Variants in GAN observed in about 807,000 individuals in gnomAD.
The protein encoded by GAN is gigaxonin.
Under a neutral mutation model 71.3 loss-of-function variants are expected in GAN, and 48 were observed. The ratio of observed to expected loss-of-function variants is 0.67; its 90% CI spans 0.53 to 0.86. The LOEUF (loss-of-function observed/expected upper bound fraction) is 0.86, where lower values mean the gene tolerates loss of function less well. GAN is among the 40% of genes least tolerant of loss of function. The probability of loss-of-function intolerance (pLI) is 0.00; values close to 1 mark genes in which losing one functional copy is unlikely to be tolerated. For missense variants in GAN, 928 were observed against 770.1 expected, an observed-to-expected ratio of 1.21 and a Z score of -2.43; for synonymous variants, 386 against 276.8, an observed-to-expected ratio of 1.39 and a Z score of -3.92.
At position 81,363,650 on chromosome 16, in the gene GAN, C is replaced by G. The variant is rs1910751517; in HGVS notation, c.1087-144C>G. On this transcript the variant is annotated intron_variant, in intron 6 of 10. Transcript: ENST00000648994. ...ATAGTTAGTGTTTCAGCCCTTGCTCCTCTCCCTGTCTCCTTGCTCTAGGAG... is the reference window on the plus strand; with the variant it reads ...ATAGTTAGTGTTTCAGCCCTTGCTCGTCTCCCTGTCTCCTTGCTCTAGGAG... 5 of 787,776 alleles carry G rather than the reference C, an allele frequency of 6.3e-6. No homozygotes were observed. The Admixed American group carries it at 1.0e-4, about 16-fold the overall frequency. 48.8% of individuals were successfully genotyped at this position (787,776 alleles called of 1,614,324 possible). A position where few individuals can be genotyped will look rare whatever the true frequency, so the allele number is the denominator to read the frequency against.
intron 5 of GAN, 81 bp from the exon 6 acceptor site, chr16:81,362,418 A>T (rs1050651864): frequency 2.6e-6 from 2 of 780,404 alleles, no homozygotes; most frequent in East Asian, 2.5e-5. Flanking sequence ...GTTTCTTCAG[A>T]TGCTGTTTCT....
intron 1 of GAN, among the ~76,000 whole-genome samples, chr16:81,323,704 C>T (rs959727967): frequency 2.0e-5 from 3 of 152,204 alleles, no homozygotes; most frequent in East Asian, 1.9e-4. Flanking sequence ...TAACTCAAGA[C>T]ATCTCAGCAG....
intron 1 of GAN, among the ~76,000 whole-genome samples, chr16:81,342,890 TAAA>T (rs1312813633): frequency 4.6e-5 from 7 of 151,594 alleles, no homozygotes; most frequent in African/African-American, 1.7e-4. Flanking sequence ...GCAAGACTAA[TAAA>T]GAAGAAAAGA....
chr16:81,375,474 A>G (rs1461130581), intron 9 of GAN, among the ~76,000 whole-genome samples: 3 of 151,526 alleles, frequency 2.0e-5, no homozygotes, highest in African/African-American at 4.9e-5. Flanking sequence ...GCTGGGACAG[A>G]TGCCACCACA....
chr16:81,314,977 G>A lies in GAN; in HGVS notation c.-137G>A, dbSNP rs1259799840. The A allele has an allele frequency of 7.1e-6, 5 of 703,094 alleles. No individual in the cohort carries two copies. The highest frequency in any genetic ancestry group is 3.5e-5 in the East Asian group (1 of 28,658). 43.6% of individuals were successfully genotyped at this position (703,094 alleles called of 1,614,324 possible). A position where few individuals can be genotyped will look rare whatever the true frequency, so the allele number is the denominator to read the frequency against. ...AGCGCGCCGCGGATAGCACAGGCAC[G>A]TCCCGGGGGCTCCAGCTTCTGCTCA... On this transcript the variant is annotated 5_prime_UTR_variant, in exon 1 of 11. Coordinates refer to ENST00000648994, the MANE Select transcript of GAN (RefSeq NM_022041.4).
At position 81,323,078 on chromosome 16, in the gene GAN, T is replaced by A. The variant is rs78178995; in HGVS notation, c.167+7798T>A. On this transcript the variant is annotated intron_variant, in intron 1 of 10. Transcript: ENST00000648994. ...TGGAGCTGGAGGCCAGCAGGACCCA[T>A]TGGTTAATTGTATAGTCTTCCATTT... 1.5e-3 allele frequency among the ~76,000 whole-genome samples: 233 copies of A among 152,324 alleles called. 1 individual carries two copies. In the Middle Eastern group the frequency reaches 0.017, roughly 11 times the overall value.
At chr16:81,316,300 C>T (rs1221449122) in intron 1 of GAN, among the ~76,000 whole-genome samples, 2 of 152,078 alleles carry the variant, frequency 1.3e-5, no homozygotes, top group Non-Finnish European at 2.9e-5. Flanking sequence ...TCAGAAAAAG[C>T]AAAATGATGT....
chr16:81,352,842 C>G (rs1910344577), intron 2 of GAN, among the ~76,000 whole-genome samples: 1 of 152,140 alleles, frequency 6.6e-6, no homozygotes, highest in South Asian at 2.1e-4. Flanking sequence ...GGGCTAAGAC[C>G]AACCTCTCCT....
chr16:81,376,616 A>ATG (rs1567500955), intron 9 of GAN, among the ~76,000 whole-genome samples: 1 of 150,780 alleles, frequency 6.6e-6, no homozygotes, highest in Non-Finnish European at 1.5e-5. Flanking sequence ...ATGTATGTAT[A>ATG]TGTATATATA....
rs1904507934 is a variant in GAN, at chr16:81,389,664, A to G, written c.*12068A>G. The stretch of plus-strand genomic sequence containing the variant: ...CATTCTTTTGTTTTCCATCACGGGT[A>G]TAGGTCTTCTGCCATGAAAGAGAAC... On this transcript the variant is annotated 3_prime_UTR_variant, in exon 11 of 11. Coordinates refer to ENST00000648994, the MANE Select transcript of GAN (RefSeq NM_022041.4). The G allele has an allele frequency of 6.6e-6, 1 of 152,240 alleles. No individual in the cohort carries two copies. Among genetic ancestry groups the G allele is most frequent in the Non-Finnish European group, 1.5e-5 (1 of 68,044 alleles). 9.4% of individuals were successfully genotyped at this position (152,240 alleles called of 1,614,324 possible). A position where few individuals can be genotyped will look rare whatever the true frequency, so the allele number is the denominator to read the frequency against.
In GAN at chr16:81,377,339, T is replaced by G; in HGVS notation, c.1612+11T>G. On this transcript the variant is annotated intron_variant, in intron 10 of 10. Transcript: ENST00000648994. Reference sequence around the variant, plus strand: ...GAGATCTTGATACAGGTAAGAGTGTTACAGTGATTTTCTTGGAACTGTTTC... The same window carrying G: ...GAGATCTTGATACAGGTAAGAGTGTGACAGTGATTTTCTTGGAACTGTTTC... The G allele has an allele frequency of 5.1e-6, 8 of 1,581,698 alleles. No homozygotes were observed. Among genetic ancestry groups the G allele is most frequent in the Non-Finnish European group, 7.0e-6 (8 of 1,150,364 alleles).
chr16:81,319,772 A>G (rs1172981764), intron 1 of GAN, among the ~76,000 whole-genome samples: 5 of 152,292 alleles, frequency 3.3e-5, no homozygotes, highest in African/African-American at 1.2e-4. Flanking sequence ...TAGGGCCTCA[A>G]ATCCAGCCTA....
chr16:81,334,612 A>T (rs970562944), intron 1 of GAN, among the ~76,000 whole-genome samples: 7 of 152,162 alleles, frequency 4.6e-5, no homozygotes, highest in African/African-American at 1.7e-4. Flanking sequence ...CAATAGTGGA[A>T]CTGTGGATAG....
At chr16:81,316,203 AGG>A (rs1005801619) in intron 1 of GAN, among the ~76,000 whole-genome samples, 61 of 152,250 alleles carry the variant, frequency 4.0e-4, no homozygotes, top group African/African-American at 1.4e-3. Flanking sequence ...ATAAAAGGAA[AGG>A]GGGGAATGCT....
intron 1 of GAN, among the ~76,000 whole-genome samples, chr16:81,343,795 G>C (rs536826258): frequency 2.0e-5 from 3 of 152,294 alleles, no homozygotes; most frequent in South Asian, 4.1e-4. Flanking sequence ...AAGCAATAAA[G>C]CGTATTGAAA....
At chr16:81,336,839 C>G (rs556764102) in intron 1 of GAN, among the ~76,000 whole-genome samples, 22 of 152,180 alleles carry the variant, frequency 1.4e-4, no homozygotes, top group African/African-American at 5.3e-4. Flanking sequence ...CAAATATATC[C>G]CCTTTCCCCC....
intron 1 of GAN, among the ~76,000 whole-genome samples, chr16:81,327,800 A>T (rs1204917995): frequency 6.6e-6 from 1 of 150,722 alleles, no homozygotes; most frequent in Non-Finnish European, 1.5e-5. Flanking sequence ...TGCTCCCCAA[A>T]GTGAAGGGGC....
rs567227585 is a variant in GAN, at chr16:81,347,262, A to T, written c.168-4321A>T. Among the ~76,000 whole-genome samples the T allele has an allele frequency of 2.7e-4, 41 of 152,370 alleles. No homozygotes were observed. The South Asian group carries it at 8.1e-3, about 30-fold the overall frequency. ...GAGTAAAACCATTAGTTCACTGGAA[A>T]CTGTACGGGCAGGAATAGTAGACAG... is the stretch of plus-strand genomic sequence containing the variant. On this transcript the variant is annotated intron_variant, in intron 1 of 10. Coordinates refer to ENST00000648994, the MANE Select transcript of GAN (RefSeq NM_022041.4).
chr16:81,382,654 T>C lies in GAN; in HGVS notation c.*5058T>C, dbSNP rs934177475. 5 of 152,226 alleles carry C rather than the reference T, an allele frequency of 3.3e-5. No homozygotes were observed. The highest frequency in any genetic ancestry group is 1.2e-4 in the African/African-American group (5 of 41,468). 9.4% of individuals were successfully genotyped at this position (152,226 alleles called of 1,614,324 possible). A position where few individuals can be genotyped will look rare whatever the true frequency, so the allele number is the denominator to read the frequency against. ...TTTGAGAAATTACAGAAATTCATAG[T>C]ATAAGGATGAGAAGGGGCCCATTTG... On this transcript the variant is annotated 3_prime_UTR_variant, in exon 11 of 11. Transcript: ENST00000648994.
Sources: gnomAD v4.1 joint callset for allele counts (sites outside exome capture counted in the v4.1 genomes callset) on GRCh38, gnomAD v4.1.1 for gene constraint, MANE v1.5 for transcripts, NCBI Gene and HGNC (gene_info 2026-07-23, HGNC 2026-07-21) for gene names.